The following AARSD1 variants were observed in gnomAD, a reference collection of about 807,000 sequenced individuals.
AARSD1 encodes alanyl-tRNA synthetase domain containing 1.
Under a neutral mutation model 48.7 loss-of-function variants are expected in AARSD1, and 44 were observed. The ratio of observed to expected loss-of-function variants is 0.90; its 90% CI spans 0.71 to 1.16. The LOEUF (loss-of-function observed/expected upper bound fraction) is 1.16. Among genes scored for constraint, AARSD1 ranks in the 50% most tolerant of loss-of-function variants. The pLI, the probability that AARSD1 is intolerant of heterozygous loss-of-function variation, is 0.00. For synonymous variants in AARSD1, 189 were observed against 194.9 expected, an observed-to-expected ratio of 0.97 and a Z score of 0.25; for missense variants, 511 against 523.1, an observed-to-expected ratio of 0.98 and a Z score of 0.23.
At chr17:42,961,034 T>C in intron 3 of AARSD1, 158 bp downstream of exon 3, 3 of 1,242,268 alleles carry the variant, frequency 2.4e-6, no homozygotes, top group Non-Finnish European at 3.2e-6. Flanking sequence ...GTTGCTGTTA[T>C]AACATTTAGG....
In AARSD1 at chr17:42,959,965, A is replaced by G. The variant is rs189475612; in HGVS notation, c.331+1227T>C. Reference sequence around the variant, plus strand: ...GCGTGAGCCACCGCACCTGGCTGCCATATTTTCATTTTTAAGATTGTTCAG... The same window carrying G: ...GCGTGAGCCACCGCACCTGGCTGCCGTATTTTCATTTTTAAGATTGTTCAG... On this transcript the variant is annotated intron_variant, in intron 3 of 11. Transcript: ENST00000427569. Among the ~76,000 whole-genome samples, 365 of 152,020 alleles carry G rather than the reference A, an allele frequency of 2.4e-3. 2 individuals carry two copies. The highest frequency in any genetic ancestry group is 8.4e-3 in the African/African-American group (350 of 41,510).
intron 10 of AARSD1, 185 bp from the exon 11 acceptor site, chr17:42,952,079 C>A: frequency 1.7e-6 from 1 of 604,226 alleles, no homozygotes; most frequent in Non-Finnish European, 2.9e-6. Context: ...TTTTTGAGAG[C>A]AACTATGGGA....
chr17:42,957,279 A>G (rs2049571575), intron 3 of AARSD1, 84 bp from the exon 4 acceptor site: 1 of 1,564,258 alleles, frequency 6.4e-7, no homozygotes, highest in Non-Finnish European at 8.7e-7. Context: ...CAATGATAAA[A>G]GCACAGAAAT....
At chr17:42,952,746 A>G (rs1239664933) in intron 10 of AARSD1, among the ~76,000 whole-genome samples, 1 of 152,018 alleles carries the variant, frequency 6.6e-6, no homozygotes, top group Non-Finnish European at 1.5e-5. Flanking sequence ...GAGTGGGAAG[A>G]GTAAGTAAAG....
In AARSD1 at chr17:42,954,923, A is replaced by G. The variant is rs1367828104; in HGVS notation, c.906T>C (p.His302=). The G allele has an allele frequency of 6.2e-7, 1 of 1,614,156 alleles. No individual in the cohort carries two copies. The highest frequency in any genetic ancestry group is 1.7e-5 in the Admixed American group (1 of 59,998). ...LLRDLAVHIA[H]SLRNSPDWGG... is the part of the protein sequence containing the mutation. Reference sequence around the variant, plus strand: ...CCCAGTCTGGACTGTTCCTGAGGCTATGGGCAATGTGCACAGCCAGGTCTC... The same window carrying G: ...CCCAGTCTGGACTGTTCCTGAGGCTGTGGGCAATGTGCACAGCCAGGTCTC... The change falls in exon 9 of 12, where the codon CAT becomes CAC. Residue 302 remains histidine, a synonymous_variant. Coordinates refer to ENST00000427569, the MANE Select transcript of AARSD1 (RefSeq NM_001261434.2).
Position 42,961,453 on chromosome 17 carries a change from T to TG in AARSD1, c.172-103_172-102insC, listed in dbSNP as rs1455279389. ...TGAGAGACCCAGAATCTGGGCTCCC[T>TG]AAGGGAGAGGGAGAAAGCAATGCCA... is the stretch of plus-strand genomic sequence containing the variant. On this transcript the variant is annotated intron_variant, in intron 2 of 11. Coordinates refer to ENST00000427569, the MANE Select transcript of AARSD1 (RefSeq NM_001261434.2). 17 of 1,541,346 alleles carry TG rather than the reference T, an allele frequency of 1.1e-5. No individual in the cohort carries two copies. In the East Asian group the frequency reaches 3.9e-4, roughly 35 times the overall value.
intron 3 of AARSD1, among the ~76,000 whole-genome samples, chr17:42,960,454 G>C (rs1412661677): frequency 2.0e-5 from 3 of 152,008 alleles, no homozygotes; most frequent in African/African-American, 7.2e-5. Flanking sequence ...CAACATGCTG[G>C]GGGGGTGTGG....
chr17:42,951,685 C>T, intron 11 of AARSD1, 115 bp downstream of exon 11: 4 of 1,128,656 alleles, frequency 3.5e-6, no homozygotes, highest in South Asian at 1.4e-5. Flanking sequence ...ACCTCACATG[C>T]CCATGATGTG....
At chr17:42,953,971 C>T in intron 9 of AARSD1, 193 bp from the exon 10 acceptor site, 1 of 644,224 alleles carries the variant, frequency 1.6e-6, no homozygotes, top group Admixed American at 2.9e-5. Context: ...TGTAATCAAC[C>T]TCCAGGTTTG....
chr17:42,953,874 C>T (rs1352230547), intron 9 of AARSD1, 96 bp from the exon 10 acceptor site: 3 of 1,492,564 alleles, frequency 2.0e-6, no homozygotes, highest in Non-Finnish European at 9.3e-7. Flanking sequence ...GCCTTGCTGC[C>T]TATGTACACA....
At chr17:42,961,397 C>A in intron 2 of AARSD1, 46 bp from the exon 3 acceptor site, 1 of 1,612,228 alleles carries the variant, frequency 6.2e-7, no homozygotes, top group Non-Finnish European at 8.5e-7. Context: ...CAGGGCTCAC[C>A]CTAACTTCTA....
At chr17:42,954,818 A>C (rs2049524555) in intron 9 of AARSD1, 58 bp downstream of exon 9, 2 of 1,577,848 alleles carry the variant, frequency 1.3e-6, no homozygotes, top group African/African-American at 2.7e-5. Context: ...TAGAGAAGAC[A>C]CTGAGCCCTA....
At chr17:42,956,004 C>G in intron 6 of AARSD1, 32 bp from the exon 7 acceptor site, 1 of 1,613,878 alleles carries the variant, frequency 6.2e-7, no homozygotes, top group East Asian at 2.2e-5. Flanking sequence ...CACACACACA[C>G]ACGTGTGCAC....
chr17:42,958,099 C>T (rs187423595), intron 3 of AARSD1, among the ~76,000 whole-genome samples: 10 of 152,292 alleles, frequency 6.6e-5, no homozygotes, highest in Non-Finnish European at 1.2e-4. Context: ...ACAAGAGCCA[C>T]CCAGATACAG....
chr17:42,952,149 G>C lies in AARSD1; in HGVS notation c.1009-255C>G, dbSNP rs1166939296. The C allele has an allele frequency of 1.0e-5, 5 of 478,140 alleles. No homozygotes were observed. In the Admixed American group the frequency reaches 1.7e-4, roughly 16 times the overall value. The allele number at this position is 478,140 out of a possible 1,614,324, so 29.6% of individuals were successfully genotyped here. On this transcript the variant is annotated intron_variant, in intron 10 of 11. Coordinates refer to ENST00000427569, the MANE Select transcript of AARSD1 (RefSeq NM_001261434.2). ...TGCTGATCCTGGCTAAGCAGAAAAT[G>C]CCTTTCATGGTTTCACTCTTGCAAA...
chr17:42,958,162 T>C (rs990536794), intron 3 of AARSD1, among the ~76,000 whole-genome samples: 2 of 152,138 alleles, frequency 1.3e-5, no homozygotes, highest in Non-Finnish European at 2.9e-5. Flanking sequence ...ACAGGAAGCC[T>C]CTGAAGAGCT....
Position 42,961,248 on chromosome 17 carries a change from T to C in AARSD1, c.275A>G (p.Gln92Arg). ...FTQTPLDPGS[Q>R]VLVRVDWERR... The stretch of plus-strand genomic sequence containing the variant: ...CTCCCAATCTACCCGGACCAGAACC[T>C]GGCTTCCTGGATCCAGGGGTGTCTG... Residue 92 changes from glutamine to arginine, a missense_variant, in exon 3 of 12, where the codon CAG (glutamine) becomes CGG (arginine). Coordinates refer to ENST00000427569, the MANE Select transcript of AARSD1 (RefSeq NM_001261434.2). The C allele has an allele frequency of 1.2e-6, 2 of 1,614,180 alleles. No individual in the cohort carries two copies.
chr17:42,956,659 A>G, intron 4 of AARSD1, 99 bp from the exon 5 acceptor site: 2 of 232,834 alleles, frequency 8.6e-6, no homozygotes, highest in Non-Finnish European at 1.2e-5. Context: ...CCCTCTCACC[A>G]CTTTTTTTTT....
Position 42,957,108 on chromosome 17 carries a change from C to T in AARSD1, c.389+30G>A, listed in dbSNP as rs765630404. The T allele has an allele frequency of 2.5e-6, 4 of 1,611,798 alleles. No homozygotes were observed. The Admixed American group carries it at 6.7e-5, about 27-fold the overall frequency. The stretch of plus-strand genomic sequence containing the variant: ...CCCTCCCAGTGCTGGGATGGGCCTG[C>T]CTACAGTTAGTCTTATGCCTCCCAC... On this transcript the variant is annotated intron_variant, in intron 4 of 11. Transcript: ENST00000427569.
Sources: allele counts gnomAD v4.1 joint callset (sites outside exome capture counted in the v4.1 genomes callset), GRCh38; gene constraint gnomAD v4.1.1; transcripts MANE v1.5; gene names NCBI Gene and HGNC (gene_info 2026-07-23, HGNC 2026-07-21).